Variants in NXPH2 observed in about 807,000 individuals in gnomAD.
NXPH2 encodes the protein neurexophilin-2.
NXPH2 carries 5 observed loss-of-function variants against 19.8 expected under a neutral mutation model. The observed-to-expected ratio is 0.25, with a 90% CI of 0.13 to 0.53. The LOEUF (loss-of-function observed/expected upper bound fraction) is 0.53. NXPH2 is among the 20% of genes least tolerant of loss of function. NXPH2 has a pLI of 0.96. For missense variants in NXPH2, 289 were observed against 322.8 expected, an observed-to-expected ratio of 0.90 and a Z score of 0.80; for synonymous variants, 154 against 127.4, an observed-to-expected ratio of 1.21 and a Z score of -1.41.
At chr2:138,739,978 G>A (rs1343938777) in intron 1 of NXPH2, among the ~76,000 whole-genome samples, 2 of 152,126 alleles carry the variant, frequency 1.3e-5, no homozygotes, top group African/African-American at 4.8e-5. Flanking sequence ...TCCCATAATA[G>A]CTGTGGTAAT....
chr2:138,724,265 C>T (rs953973954), intron 1 of NXPH2, among the ~76,000 whole-genome samples: 9 of 152,218 alleles, frequency 5.9e-5, no homozygotes, highest in African/African-American at 1.9e-4. Context: ...TTTCTCAATA[C>T]TTTTATCAGG....
At chr2:138,717,941 A>C (rs568692025) in intron 1 of NXPH2, among the ~76,000 whole-genome samples, 7 of 152,296 alleles carry the variant, frequency 4.6e-5, no homozygotes, top group Non-Finnish European at 7.4e-5. Flanking sequence ...ATTATAATAG[A>C]GTTGAAAATC....
chr2:138,722,653 CGAA>C (rs1681299108), intron 1 of NXPH2, among the ~76,000 whole-genome samples: 1 of 152,146 alleles, frequency 6.6e-6, no homozygotes, highest in Non-Finnish European at 1.5e-5. Context: ...AGTTGAACAA[CGAA>C]GAAGGCCCAG....
chr2:138,740,147 T>A (rs1414350274), intron 1 of NXPH2, among the ~76,000 whole-genome samples: 2 of 152,182 alleles, frequency 1.3e-5, no homozygotes, highest in Non-Finnish European at 2.9e-5. Flanking sequence ...AGGCCACCAA[T>A]GACCTGGCCA....
chr2:138,722,200 A>T (rs914016170), intron 1 of NXPH2, among the ~76,000 whole-genome samples: 2 of 152,254 alleles, frequency 1.3e-5, no homozygotes, highest in African/African-American at 4.8e-5. Flanking sequence ...AGAGGATAGA[A>T]ACTAACTGAG....
intron 1 of NXPH2, 33 bp from the exon 2 acceptor site, chr2:138,671,698 A>G (rs535836797): frequency 1.3e-6 from 2 of 1,516,146 alleles, no homozygotes; most frequent in African/African-American, 2.8e-5. Context: ...AATAAACTTT[A>G]GGTTAGTGCC....
chr2:138,680,557 T>C (rs1023412154), intron 1 of NXPH2, among the ~76,000 whole-genome samples: 2 of 152,126 alleles, frequency 1.3e-5, no homozygotes, highest in African/African-American at 4.8e-5. Flanking sequence ...GGTGAAGCAA[T>C]TCACCTAGTC....
chr2:138,671,055 G>A lies in NXPH2; in HGVS notation c.662C>T (p.Ser221Phe), dbSNP rs1207058572. The A allele has an allele frequency of 1.2e-6, 2 of 1,614,002 alleles. No individual in the cohort carries two copies. The highest frequency in any genetic ancestry group is 1.7e-5 in the Admixed American group (1 of 60,020). ...CTTGAAGGGCTTGGAGCACAACCAA[G>A]ACACATGGCTCTGAGTCTGCTCCTG... ...CYQEQTQSHV[S>F]WLCSKPFKVI... is the part of the protein sequence containing the mutation. The change falls in exon 2 of 2, where the codon TCT (serine) becomes TTT (phenylalanine). Residue 221 changes from serine to phenylalanine, a missense_variant. Coordinates refer to ENST00000272641, the MANE Select transcript of NXPH2 (RefSeq NM_007226.3).
intron 1 of NXPH2, among the ~76,000 whole-genome samples, chr2:138,717,175 A>G (rs1396933320): frequency 1.3e-5 from 2 of 152,198 alleles, no homozygotes; most frequent in Non-Finnish European, 2.9e-5. Flanking sequence ...AAAAATATGC[A>G]GGATATGTTA....
intron 1 of NXPH2, among the ~76,000 whole-genome samples, chr2:138,716,446 A>G (rs1681196421): frequency 1.3e-5 from 2 of 152,314 alleles, no homozygotes; most frequent in East Asian, 3.9e-4. Context: ...CAAAGCAGGA[A>G]GAATACTCTC....
intron 1 of NXPH2, among the ~76,000 whole-genome samples, chr2:138,712,922 A>G (rs1681126230): frequency 6.6e-6 from 1 of 152,238 alleles, no homozygotes. Flanking sequence ...ATTAGTAAAT[A>G]CTTGTGATAA....
chr2:138,683,824 T>C (rs1680611095), intron 1 of NXPH2, among the ~76,000 whole-genome samples: 1 of 152,188 alleles, frequency 6.6e-6, no homozygotes, highest in East Asian at 1.9e-4. Flanking sequence ...ATTTGTTAAT[T>C]TAAAATAAAT....
chr2:138,769,057 G>T (rs926396370), intron 1 of NXPH2, among the ~76,000 whole-genome samples: 1 of 152,176 alleles, frequency 6.6e-6, no homozygotes, highest in South Asian at 2.1e-4. Context: ...GGAAAGCCAG[G>T]AATAAGAATT....
At chr2:138,697,122 A>G (rs1484550896) in intron 1 of NXPH2, among the ~76,000 whole-genome samples, 1 of 152,156 alleles carries the variant, frequency 6.6e-6, no homozygotes, top group African/African-American at 2.4e-5. Flanking sequence ...ACTCTAGAAT[A>G]GGCAAAACTC....
intron 1 of NXPH2, among the ~76,000 whole-genome samples, chr2:138,711,702 A>C (rs146751232): frequency 6.6e-6 from 1 of 152,128 alleles, no homozygotes; most frequent in East Asian, 1.9e-4. Context: ...CACCTTTTCC[A>C]TGATATCTCC....
chr2:138,693,463 A>G (rs1680773558), intron 1 of NXPH2, among the ~76,000 whole-genome samples: 1 of 152,192 alleles, frequency 6.6e-6, no homozygotes. Context: ...AGAACAGTAT[A>G]TTCAGAACCC....
chr2:138,692,145 T>C (rs1680756323), intron 1 of NXPH2, among the ~76,000 whole-genome samples: 1 of 152,282 alleles, frequency 6.6e-6, no homozygotes, highest in South Asian at 2.1e-4. Flanking sequence ...CTCTGAGTCA[T>C]TCTGATTTAA....
intron 1 of NXPH2, among the ~76,000 whole-genome samples, chr2:138,677,870 C>A (rs1680507131): frequency 6.6e-6 from 1 of 152,110 alleles, no homozygotes; most frequent in African/African-American, 2.4e-5. Flanking sequence ...ATACAGAGTT[C>A]CCATAGACCC....
intron 1 of NXPH2, among the ~76,000 whole-genome samples, chr2:138,740,085 C>T (rs372539721): frequency 9.9e-5 from 15 of 152,274 alleles, no homozygotes; most frequent in Admixed American, 7.8e-4. Context: ...AAAAGACACA[C>T]GCAGACTGGC....
Sources: allele counts gnomAD v4.1 joint callset (sites outside exome capture counted in the v4.1 genomes callset), GRCh38; gene constraint gnomAD v4.1.1; transcripts MANE v1.5; gene names NCBI Gene and HGNC (gene_info 2026-07-23, HGNC 2026-07-21).